Variants in ARHGAP18 observed in about 807,000 individuals in gnomAD.
ARHGAP18 encodes Rho GTPase activating protein 18.
Under a neutral mutation model 86.2 loss-of-function variants are expected in ARHGAP18, and 67 were observed. The observed-to-expected ratio is 0.78, with a 90% CI of 0.64 to 0.95. The LOEUF is 0.95. Ranked by LOEUF, ARHGAP18 falls within the 40% of genes least tolerant of loss-of-function variation. The probability of loss-of-function intolerance (pLI) is 0.00; values close to 1 mark genes in which losing one functional copy is unlikely to be tolerated. For missense variants in ARHGAP18, 691 were observed against 780.4 expected, an observed-to-expected ratio of 0.89 and a Z score of 1.37; for synonymous variants, 283 against 280.4, an observed-to-expected ratio of 1.01 and a Z score of -0.09.
chr6:129,603,491 A>G (rs1261940960), intron 10 of ARHGAP18, among the ~76,000 whole-genome samples: 1 of 152,110 alleles, frequency 6.6e-6, no homozygotes, highest in Non-Finnish European at 1.5e-5. Flanking sequence ...TCACTCTCTG[A>G]AAAGCCAGGT....
chr6:129,670,845 C>G (rs557748317), intron 1 of ARHGAP18, among the ~76,000 whole-genome samples: 26 of 152,066 alleles, frequency 1.7e-4, no homozygotes, highest in African/African-American at 6.0e-4. Flanking sequence ...CAGGTTCCTC[C>G]CCTCCACACA....
intron 12 of ARHGAP18, among the ~76,000 whole-genome samples, chr6:129,590,859 G>C (rs968200479): frequency 5.3e-5 from 8 of 152,124 alleles, no homozygotes; most frequent in African/African-American, 1.7e-4. Flanking sequence ...GTTTATTTCT[G>C]TAGTGATTCA....
chr6:129,655,327 AAAAAAAAAAAAAAAG>A (rs1379023024), intron 1 of ARHGAP18, among the ~76,000 whole-genome samples: 2 of 122,660 alleles, frequency 1.6e-5, no homozygotes. Context: ...CAAAAAAAAA[AAAAAAAAAAAAAAAG>A]AAAAGAAAAG....
intron 1 of ARHGAP18, among the ~76,000 whole-genome samples, chr6:129,670,814 A>G (rs1448150065): frequency 6.7e-6 from 1 of 149,166 alleles, no homozygotes; most frequent in African/African-American, 2.5e-5. Context: ...GCAGGAACCC[A>G]GCTCCCCGTC....
At chr6:129,592,811 C>G (rs1285057537) in intron 12 of ARHGAP18, among the ~76,000 whole-genome samples, 1 of 152,096 alleles carries the variant, frequency 6.6e-6, no homozygotes, top group East Asian at 1.9e-4. Context: ...CTGCCCCCTA[C>G]ATTCTTAGTA....
chr6:129,676,006 A>C (rs1018948268), intron 1 of ARHGAP18, among the ~76,000 whole-genome samples: 12 of 152,170 alleles, frequency 7.9e-5, no homozygotes, highest in Non-Finnish European at 4.4e-5. Flanking sequence ...TCAATGTTTA[A>C]AACAGATCCA....
At chr6:129,671,714 T>C (rs996979734) in intron 1 of ARHGAP18, among the ~76,000 whole-genome samples, 2 of 151,796 alleles carry the variant, frequency 1.3e-5, no homozygotes, top group African/African-American at 4.8e-5. Context: ...TCTCTAAAAA[T>C]AAAAAATAAA....
chr6:129,661,078 A>G (rs1165448218), intron 1 of ARHGAP18, among the ~76,000 whole-genome samples: 1 of 151,928 alleles, frequency 6.6e-6, no homozygotes, highest in Non-Finnish European at 1.5e-5. Context: ...TAAAGCTATA[A>G]AGAACTTCTT....
chr6:129,664,066 C>T (rs1562716833), intron 1 of ARHGAP18, among the ~76,000 whole-genome samples: 1 of 152,250 alleles, frequency 6.6e-6, no homozygotes, highest in East Asian at 1.9e-4. Flanking sequence ...CCACCAATCC[C>T]ATCTGAAAGC....
chr6:129,684,052 T>C (rs1029457419), intron 1 of ARHGAP18, among the ~76,000 whole-genome samples: 1 of 152,122 alleles, frequency 6.6e-6, no homozygotes, highest in Admixed American at 6.5e-5. Flanking sequence ...CTGAAAAATC[T>C]TGGAGAGAAA....
intron 3 of ARHGAP18, among the ~76,000 whole-genome samples, chr6:129,637,095 C>T (rs540264737): frequency 6.6e-6 from 1 of 151,908 alleles, no homozygotes; most frequent in Non-Finnish European, 1.5e-5. Context: ...GATGGAGTCT[C>T]ACTTTGTCAC....
intron 5 of ARHGAP18, 53 bp from the exon 6 acceptor site, chr6:129,618,905 G>A: frequency 1.3e-6 from 2 of 1,489,542 alleles, no homozygotes; most frequent in Non-Finnish European, 1.8e-6. Flanking sequence ...AACCTCCATT[G>A]TAATGCAGGA....
intron 12 of ARHGAP18, among the ~76,000 whole-genome samples, chr6:129,590,354 C>G (rs988674204): frequency 6.6e-6 from 1 of 152,124 alleles, no homozygotes; most frequent in Non-Finnish European, 1.5e-5. Context: ...CCACATCTGA[C>G]CCAGGAATCT....
chr6:129,660,659 T>C (rs974704136), intron 1 of ARHGAP18, among the ~76,000 whole-genome samples: 43 of 152,242 alleles, frequency 2.8e-4, no homozygotes, highest in African/African-American at 9.9e-4. Context: ...CACTCCAGAT[T>C]TGTTGGATTC....
intron 3 of ARHGAP18, 93 bp downstream of exon 3, chr6:129,638,301 C>T (rs1773374706): frequency 5.6e-6 from 7 of 1,248,466 alleles, no homozygotes; most frequent in Non-Finnish European, 6.9e-6. Flanking sequence ...AATAGGTGAT[C>T]ATTACGTTTT....
intron 5 of ARHGAP18, among the ~76,000 whole-genome samples, chr6:129,620,241 C>T (rs955310656): frequency 1.3e-5 from 2 of 152,332 alleles, no homozygotes; most frequent in South Asian, 2.1e-4. Context: ...AATATTTTAA[C>T]TAATTTGAAT....
chr6:129,618,677 T>C lies in ARHGAP18; in HGVS notation c.952+10A>G, dbSNP rs753932915. 2 of 1,595,590 alleles carry C rather than the reference T, an allele frequency of 1.3e-6. No homozygotes were observed. Among genetic ancestry groups the C allele is most frequent in the African/African-American group, 2.7e-5 (2 of 74,388 alleles). ...GAAATAAATCCAAGGGTTTATCATT[T>C]CATGATTACCTTTTGTTTTGATTTT... is the stretch of plus-strand genomic sequence containing the variant. On this transcript the variant is annotated intron_variant, in intron 6 of 14. Transcript: ENST00000368149.
intron 9 of ARHGAP18, 127 bp from the exon 10 acceptor site, chr6:129,606,086 C>A: frequency 1.2e-6 from 1 of 806,360 alleles, no homozygotes. Context: ...GACACAACGA[C>A]TGAGCTGCAA....
intron 13 of ARHGAP18, among the ~76,000 whole-genome samples, chr6:129,581,707 A>G (rs1788293386): frequency 6.6e-6 from 1 of 152,168 alleles, no homozygotes; most frequent in Admixed American, 6.6e-5. Context: ...TTATACATAT[A>G]TTGTATATCA....
Sources: allele counts gnomAD v4.1 joint callset (sites outside exome capture counted in the v4.1 genomes callset), GRCh38; gene constraint gnomAD v4.1.1; transcripts MANE v1.5; gene names NCBI Gene and HGNC (gene_info 2026-07-23, HGNC 2026-07-21).